The following NRG1 variants were observed in gnomAD, a reference collection of about 807,000 sequenced individuals.
The protein encoded by NRG1 is pro-neuregulin-1, membrane-bound isoform.
NRG1 carries 18 observed loss-of-function variants against 63.8 expected under a neutral mutation model. That is an observed-to-expected ratio of 0.28 (90% CI 0.19 to 0.42). The LOEUF (loss-of-function observed/expected upper bound fraction) is 0.42. Ranked by LOEUF, NRG1 falls within the 10% of genes least tolerant of loss-of-function variation. NRG1 has a pLI of 1.00. For synonymous variants in NRG1, 302 were observed against 301.3 expected, an observed-to-expected ratio of 1.00 and a Z score of -0.02; for missense variants, 762 against 814.7, an observed-to-expected ratio of 0.94 and a Z score of 0.79.
intron 1 of NRG1, among the ~76,000 whole-genome samples, chr8:32,565,130 A>G (rs951509874): frequency 4.6e-5 from 7 of 152,134 alleles, no homozygotes; most frequent in African/African-American, 1.4e-4. Context: ...CCTGCCCACC[A>G]TTCCCATTCC....
At chr8:32,140,939 T>TTCTC (rs147651599) in intron 1 of NRG1, among the ~76,000 whole-genome samples, 59 of 149,460 alleles carry the variant, frequency 3.9e-4, no homozygotes, top group African/African-American at 1.3e-3. Flanking sequence ...TTTATGCACC[T>TTCTC]TCTCTCTCTC....
chr8:31,946,008 C>A (rs1482886114), intron 1 of NRG1, among the ~76,000 whole-genome samples: 1 of 152,206 alleles, frequency 6.6e-6, no homozygotes, highest in African/African-American at 2.4e-5. Context: ...GCTGCCCCCA[C>A]AACTCGATCG....
At chr8:31,671,074 T>C (rs1451102853) in intron 1 of NRG1, among the ~76,000 whole-genome samples, 1 of 152,234 alleles carries the variant, frequency 6.6e-6, no homozygotes, top group Non-Finnish European at 1.5e-5. Context: ...TTTCTGTTCC[T>C]GTGTTAATTC....
intron 1 of NRG1, among the ~76,000 whole-genome samples, chr8:31,767,977 C>A (rs1349831603): frequency 1.3e-5 from 2 of 151,466 alleles, no homozygotes; most frequent in Non-Finnish European, 2.9e-5. Flanking sequence ...AATCTTATAA[C>A]AATTGACACA....
chr8:32,328,892 T>G (rs1388518954), intron 1 of NRG1, among the ~76,000 whole-genome samples: 2 of 151,728 alleles, frequency 1.3e-5, no homozygotes, highest in Non-Finnish European at 2.9e-5. Flanking sequence ...AACATAAACA[T>G]AAGGCCAGTG....
intron 1 of NRG1, among the ~76,000 whole-genome samples, chr8:31,949,260 A>C (rs1255475763): frequency 6.6e-6 from 1 of 152,148 alleles, no homozygotes; most frequent in Admixed American, 6.5e-5. Context: ...TAGATGCATT[A>C]ATTAACTTTC....
intron 1 of NRG1, among the ~76,000 whole-genome samples, chr8:32,467,852 A>C (rs1823268510): frequency 6.6e-6 from 1 of 152,222 alleles, no homozygotes; most frequent in South Asian, 2.1e-4. Flanking sequence ...AGTTCTTGGT[A>C]TAGGCCAGCT....
chr8:31,930,886 C>T (rs903784177), intron 1 of NRG1, among the ~76,000 whole-genome samples: 2 of 152,140 alleles, frequency 1.3e-5, no homozygotes, highest in Non-Finnish European at 2.9e-5. Context: ...CTTCAAATGC[C>T]GTATCTGAAT....
intron 1 of NRG1, among the ~76,000 whole-genome samples, chr8:32,433,047 G>A (rs1437722750): frequency 6.6e-6 from 1 of 152,118 alleles, no homozygotes; most frequent in Admixed American, 6.6e-5. Context: ...TGAGGTCAGG[G>A]CAGGGGCTCT....
intron 1 of NRG1, among the ~76,000 whole-genome samples, chr8:31,674,063 GGT>G (rs902580865): frequency 3.3e-5 from 5 of 152,046 alleles, no homozygotes; most frequent in African/African-American, 1.2e-4. Context: ...TTCTGTGTCT[GGT>G]GTCTTTCAGT....
intron 1 of NRG1, among the ~76,000 whole-genome samples, chr8:31,765,489 A>G (rs890674675): frequency 7.9e-5 from 12 of 152,188 alleles, no homozygotes; most frequent in African/African-American, 2.7e-4. Context: ...CTCTTCATCA[A>G]ACTGAAGTTC....
intron 1 of NRG1, among the ~76,000 whole-genome samples, chr8:32,370,857 CAAAAAAAAAAAAAAAAA>C (rs570354347): frequency 1.9e-5 from 1 of 52,052 alleles, no homozygotes; most frequent in Non-Finnish European, 3.2e-5. Flanking sequence ...GACTCTGTCT[CAAAAAAAAAAAAAAAAA>C]AAAAAAAAAG....
intron 1 of NRG1, among the ~76,000 whole-genome samples, chr8:31,784,172 A>G (rs1198484506): frequency 1.3e-5 from 2 of 152,212 alleles, no homozygotes; most frequent in Non-Finnish European, 2.9e-5. Flanking sequence ...TGCTTAGGAA[A>G]CTAAATTTTA....
intron 1 of NRG1, among the ~76,000 whole-genome samples, chr8:32,582,264 AT>A (rs1425432284): frequency 3.3e-5 from 5 of 151,204 alleles, no homozygotes; most frequent in Non-Finnish European, 7.4e-5. Flanking sequence ...CACCTGGGTA[AT>A]TTTTGTATTT....
chr8:32,683,109 G>T (rs887952238), intron 5 of NRG1, among the ~76,000 whole-genome samples: 2 of 152,132 alleles, frequency 1.3e-5, no homozygotes, highest in East Asian at 3.9e-4. Flanking sequence ...TAAAATTTTG[G>T]ATCAGCTTTA....
intron 5 of NRG1, among the ~76,000 whole-genome samples, chr8:32,652,603 C>T (rs1855366967): frequency 6.6e-6 from 1 of 152,006 alleles, no homozygotes. Context: ...TTTCAACTGT[C>T]TTTAATGAAA....
chr8:31,946,357 A>G (rs1369401679), intron 1 of NRG1, among the ~76,000 whole-genome samples: 1 of 152,310 alleles, frequency 6.6e-6, no homozygotes, highest in East Asian at 1.9e-4. Context: ...CAGAATCTCT[A>G]TGGCTCTTCT....
chr8:32,007,392 C>T (rs1435099202), intron 1 of NRG1, among the ~76,000 whole-genome samples: 2 of 152,046 alleles, frequency 1.3e-5, no homozygotes, highest in East Asian at 3.9e-4. Flanking sequence ...TCAGAATCCT[C>T]TCTAAATATC....
rs1369727381 is a variant in NRG1, at chr8:32,648,371, T to G, written c.502+31486T>G. ...AAACAACAGAAACTAATCTCCAAAC[T>G]GCTCCTAAACTTTGTAAGTAGAGAG... On this transcript the variant is annotated intron_variant, in intron 5 of 11. Transcript: ENST00000356819. 2.5e-6 allele frequency: 4 copies of G among 1,613,868 alleles called. No homozygotes were observed. In the African/African-American group the frequency reaches 5.3e-5, roughly 22 times the overall value.
Sources: gnomAD v4.1 joint callset for allele counts (sites outside exome capture counted in the v4.1 genomes callset) on GRCh38, gnomAD v4.1.1 for gene constraint, MANE v1.5 for transcripts, NCBI Gene and HGNC (gene_info 2026-07-23, HGNC 2026-07-21) for gene names.